The following REDIC1 variants were observed in gnomAD, a reference collection of about 807,000 sequenced individuals.
REDIC1 encodes the protein HEI10 Interacting Protein 1.
the REDIC1 span, among the ~76,000 whole-genome samples, chr12:39,645,036 G>T: frequency 6.6e-6 from 1 of 151,900 alleles, no homozygotes; most frequent in African/African-American, 2.4e-5. Flanking sequence ...TCTTAGCAAG[G>T]CCTCTTTGTT....
At chr12:39,782,880 A>T in the REDIC1 span, among the ~76,000 whole-genome samples, 3 of 151,978 alleles carry the variant, frequency 2.0e-5, no homozygotes, top group African/African-American at 7.2e-5. Flanking sequence ...TATTATTATT[A>T]TTTTTTATAC....
the REDIC1 span, among the ~76,000 whole-genome samples, chr12:39,843,209 G>A: frequency 5.5e-3 from 830 of 152,068 alleles, 7 homozygotes; most frequent in African/African-American, 0.019. Flanking sequence ...TGACAGACTC[G>A]TTTGTGCACA....
the REDIC1 span, among the ~76,000 whole-genome samples, chr12:39,895,102 C>T: frequency 1.3e-5 from 2 of 151,956 alleles, no homozygotes; most frequent in African/African-American, 4.8e-5. Context: ...CTTCTTGGCC[C>T]CAGTGATTGT....
At chr12:39,712,914 T>G in the REDIC1 span, among the ~76,000 whole-genome samples, 1 of 147,872 alleles carries the variant, frequency 6.8e-6, no homozygotes, top group African/African-American at 2.5e-5. Flanking sequence ...TATACGTATA[T>G]ACATATGTGC....
chr12:39,744,875 C>T, the REDIC1 span, among the ~76,000 whole-genome samples: 149,170 of 152,244 alleles, frequency 0.98, 73,090 homozygotes, highest in East Asian at 1. Context: ...ATGGTCTAAA[C>T]ACAGCAAGTA....
chr12:39,653,557 C>CTTCTT, the REDIC1 span, among the ~76,000 whole-genome samples: 129 of 56,148 alleles, frequency 2.3e-3, 12 homozygotes, highest in African/African-American at 2.6e-3. Context: ...TCTTCTTCTT[C>CTTCTT]TTTCTTCTTC....
chr12:39,759,851 G>GA, the REDIC1 span: 247 of 552,096 alleles, frequency 4.5e-4, no homozygotes, highest in Middle Eastern at 9.5e-4. Flanking sequence ...GTTCCTTGTG[G>GA]AAAAAAAAAG....
the REDIC1 span, chr12:39,650,288 G>C: frequency 6.2e-7 from 1 of 1,611,234 alleles, no homozygotes; most frequent in Non-Finnish European, 8.5e-7. This position sits in a 1 kb window ranked among gnomAD's most constrained non-coding sequence, Gnocchi z 4.3. Context: ...TTAAATAAAA[G>C]TCAAGATGTT....
At chr12:39,661,160 G>C in the REDIC1 span, among the ~76,000 whole-genome samples, 2 of 151,964 alleles carry the variant, frequency 1.3e-5, no homozygotes, top group Admixed American at 1.3e-4. Context: ...CCTTTTATTT[G>C]GATAAATAGC....
the REDIC1 span, among the ~76,000 whole-genome samples, chr12:39,806,983 C>T: frequency 1.3e-5 from 2 of 152,090 alleles, no homozygotes; most frequent in Admixed American, 6.5e-5. Flanking sequence ...ACAGTCTGTA[C>T]GATCCTATTT....
the REDIC1 span, among the ~76,000 whole-genome samples, chr12:39,858,702 G>T: frequency 1.3e-5 from 2 of 152,138 alleles, no homozygotes; most frequent in African/African-American, 4.8e-5. Context: ...CGCCTCCCAG[G>T]TTCAAGCGAT....
the REDIC1 span, among the ~76,000 whole-genome samples, chr12:39,874,332 G>A: frequency 1.3e-5 from 2 of 151,962 alleles, no homozygotes; most frequent in Non-Finnish European, 1.5e-5. Context: ...ACAAATGAGG[G>A]GCCGGGCACG....
the REDIC1 span, among the ~76,000 whole-genome samples, chr12:39,814,452 C>A: frequency 6.6e-6 from 1 of 152,130 alleles, no homozygotes; most frequent in Non-Finnish European, 1.5e-5. Flanking sequence ...TCAAGTAACA[C>A]ACTGGCTCAC....
At chr12:39,905,831 A>AAC in the REDIC1 span, among the ~76,000 whole-genome samples, 7 of 151,628 alleles carry the variant, frequency 4.6e-5, 1 homozygote, top group Non-Finnish European at 1.0e-4. Context: ...AGAAAAAAAA[A>AAC]AAAACTACAC....
At chr12:39,683,231 T>C in the REDIC1 span, 9 of 1,282,484 alleles carry the variant, frequency 7.0e-6, no homozygotes, top group African/African-American at 9.2e-5. Flanking sequence ...CACACATCTA[T>C]ATATTTGTAT....
the REDIC1 span, among the ~76,000 whole-genome samples, chr12:39,861,798 T>G: frequency 6.6e-6 from 1 of 152,238 alleles, no homozygotes; most frequent in African/African-American, 2.4e-5. Context: ...AAACATTTTC[T>G]ATAGCAACTT....
At chr12:39,712,920 TGTGCATATAC>T in the REDIC1 span, among the ~76,000 whole-genome samples, 1 of 147,674 alleles carries the variant, frequency 6.8e-6, no homozygotes, top group Admixed American at 6.8e-5. Flanking sequence ...TATATACATA[TGTGCATATAC>T]GTGTATATAC....
the REDIC1 span, among the ~76,000 whole-genome samples, chr12:39,711,236 T>C: frequency 2.0e-5 from 3 of 150,536 alleles, no homozygotes; most frequent in African/African-American, 7.3e-5. Context: ...ACCATATATA[T>C]ATATGTGATG....
At chr12:39,747,880 G>C in the REDIC1 span, among the ~76,000 whole-genome samples, 1 of 152,040 alleles carries the variant, frequency 6.6e-6, no homozygotes, top group Admixed American at 6.6e-5. Context: ...CAAATGCTGA[G>C]AGATTTTGTC....
Sources: allele counts gnomAD v4.1 joint callset (sites outside exome capture counted in the v4.1 genomes callset), GRCh38; gene constraint gnomAD v4.1.1; non-coding constraint Gnocchi (gnomAD v3.1); transcripts MANE v1.5; gene names NCBI Gene and HGNC (gene_info 2026-07-23, HGNC 2026-07-21).